Variants in TAB1 observed in about 807,000 individuals in gnomAD.
TAB1 encodes the protein TGF-beta-activated kinase 1 and MAP3K7-binding protein 1.
In TAB1, 30 loss-of-function variants were observed where a neutral mutation model predicts 54.5. The ratio of observed to expected loss-of-function variants is 0.55; its 90% confidence interval spans 0.41 to 0.75. The LOEUF is 0.75. Ranked by LOEUF, TAB1 falls within the 30% of genes least tolerant of loss-of-function variation. TAB1 has a pLI of 0.00. For missense variants in TAB1, 609 were observed against 683.2 expected, an observed-to-expected ratio of 0.89 and a Z score of 1.21; for synonymous variants, 289 against 286.9, an observed-to-expected ratio of 1.01 and a Z score of -0.07.
chr22:39,416,219 C>T (rs774990830), intron 3 of TAB1, among the ~76,000 whole-genome samples: 8 of 152,196 alleles, frequency 5.3e-5, no homozygotes, highest in Non-Finnish European at 8.8e-5. Flanking sequence ...CTGCCCTTCA[C>T]GACCTCAGGC....
intron 10 of TAB1, chr22:39,429,507 C>G: frequency 1.0e-5 from 5 of 487,828 alleles, no homozygotes; most frequent in Non-Finnish European, 1.3e-5. Context: ...GACGGAGTTT[C>G]ACTCTTGTTG....
intron 1 of TAB1, among the ~76,000 whole-genome samples, chr22:39,401,310 G>A (rs1926135139): frequency 6.6e-6 from 1 of 152,212 alleles, no homozygotes; most frequent in African/African-American, 2.4e-5. Context: ...GGGGATTGCT[G>A]TCTTCCCCTC....
chr22:39,408,473 G>A (rs1926467877), intron 1 of TAB1, among the ~76,000 whole-genome samples: 1 of 152,196 alleles, frequency 6.6e-6, no homozygotes, highest in South Asian at 2.1e-4. Flanking sequence ...TTTACTTGTG[G>A]AAGACAATTT....
chr22:39,420,053 C>T (rs536461179), intron 7 of TAB1, among the ~76,000 whole-genome samples: 5 of 152,182 alleles, frequency 3.3e-5, no homozygotes, highest in Non-Finnish European at 7.3e-5. Flanking sequence ...ACAGACCAGG[C>T]CTGTTGGTCG....
chr22:39,406,467 T>C (rs1346164758), intron 1 of TAB1, among the ~76,000 whole-genome samples: 2 of 151,266 alleles, frequency 1.3e-5, no homozygotes, highest in African/African-American at 2.4e-5. Context: ...CAGTGGATGA[T>C]TGAGGTTTGG....
downstream of TAB1, chr22:39,431,953 C>T (rs765885158): frequency 6.4e-4 from 561 of 876,972 alleles, no homozygotes; most frequent in Non-Finnish European, 7.4e-4. Context: ...TCTTCACTGC[C>T]CTGGAGGTTC....
At chr22:39,408,548 G>A (rs1005634219) in intron 1 of TAB1, among the ~76,000 whole-genome samples, 2 of 152,210 alleles carry the variant, frequency 1.3e-5, no homozygotes, top group Non-Finnish European at 2.9e-5. Context: ...ATCCAGGCTG[G>A]AGTGCAGTGG....
At chr22:39,410,655 T>G (rs1195785183) in intron 1 of TAB1, among the ~76,000 whole-genome samples, 1 of 152,058 alleles carries the variant, frequency 6.6e-6, no homozygotes, top group Non-Finnish European at 1.5e-5. Flanking sequence ...TCAGACCTTG[T>G]AGTAAAATTG....
intron 3 of TAB1, 143 bp from the exon 4 acceptor site, chr22:39,416,648 C>T: frequency 1.3e-6 from 1 of 763,708 alleles, no homozygotes; most frequent in South Asian, 1.6e-5. Flanking sequence ...GGGCCAGAGG[C>T]AGGACTGACA....
intron 1 of TAB1, among the ~76,000 whole-genome samples, chr22:39,411,654 GA>G (rs1390205092): frequency 1.3e-5 from 2 of 152,184 alleles, no homozygotes; most frequent in Admixed American, 6.5e-5. Context: ...AGCTGCTCTG[GA>G]AAACAGTTTG....
Position 39,421,715 on chromosome 22 carries a change from A to T in TAB1, c.777-112A>T, listed in dbSNP as rs534971800. 1.5e-5 allele frequency: 17 copies of T among 1,121,188 alleles called. No individual in the cohort carries two copies. The Admixed American group carries it at 3.6e-4, about 24-fold the overall frequency. The allele number at this position is 1,121,188 out of a possible 1,614,324, so 69.5% of individuals were successfully genotyped here. ...TTCTCTCTTTTCTTTTCCTCTTGTC[A>T]GGTTGTGTGTTTTATTTTACATTCT... is the stretch of plus-strand genomic sequence containing the variant. On this transcript the variant is annotated intron_variant, in intron 7 of 10. Coordinates refer to ENST00000216160, the MANE Select transcript of TAB1 (RefSeq NM_006116.3).
At chr22:39,412,237 G>A (rs925183866) in intron 1 of TAB1, among the ~76,000 whole-genome samples, 9 of 152,048 alleles carry the variant, frequency 5.9e-5, no homozygotes, top group Non-Finnish European at 1.2e-4. Flanking sequence ...ACAGGGTTTC[G>A]CCACATTGGC....
intron 1 of TAB1, among the ~76,000 whole-genome samples, chr22:39,405,422 A>G (rs1926318064): frequency 6.6e-6 from 1 of 152,232 alleles, no homozygotes; most frequent in Non-Finnish European, 1.5e-5. Flanking sequence ...TTTCTCAGAC[A>G]TGGAAGAGTT....
chr22:39,406,740 C>T (rs1013479704), intron 1 of TAB1, among the ~76,000 whole-genome samples: 9 of 152,142 alleles, frequency 5.9e-5, no homozygotes, highest in Non-Finnish European at 1.0e-4. Context: ...TCACACCATT[C>T]TCCTGCCTCC....
At chr22:39,434,129 C>T (rs933771590), downstream of TAB1, among the ~76,000 whole-genome samples, 11 of 152,228 alleles carry the variant, frequency 7.2e-5, 1 homozygote, top group Middle Eastern at 6.3e-3. Context: ...AATGAGGCGA[C>T]GACCCACTTA....
intron 1 of TAB1, among the ~76,000 whole-genome samples, chr22:39,410,407 C>T (rs1012271892): frequency 6.6e-6 from 1 of 152,174 alleles, no homozygotes; most frequent in Non-Finnish European, 1.5e-5. Flanking sequence ...TGTGCCAGGT[C>T]AGCAGTTTTT....
rs146356034 is a variant in TAB1 at position 39,429,427 on chromosome 22, C to T, written c.1308-588C>T. 1.8e-3 allele frequency: 1,692 copies of T among 930,352 alleles called. 2 individuals are homozygous for T. Among genetic ancestry groups the T allele is most frequent in the African/African-American group, 8.7e-3 (490 of 56,222 alleles). The allele number at this position is 930,352 out of a possible 1,614,324, so 57.6% of individuals were successfully genotyped here. On this transcript the variant is annotated intron_variant, in intron 10 of 10. Transcript: ENST00000216160. ...TGCTCGCGTGGGTGCTGTCCTGTCA[C>T]GGCGTCTCTAGCCACTTGTGGCTAT...
At chr22:39,405,859 A>G (rs1257073632) in intron 1 of TAB1, among the ~76,000 whole-genome samples, 7 of 151,980 alleles carry the variant, frequency 4.6e-5, no homozygotes, top group Admixed American at 4.6e-4. Context: ...AGATACTCTC[A>G]CTCCCACTTG....
intron 1 of TAB1, among the ~76,000 whole-genome samples, chr22:39,406,358 C>T (rs1287704477): frequency 6.7e-6 from 1 of 148,748 alleles, no homozygotes; most frequent in Non-Finnish European, 1.5e-5. Context: ...AAGATCGCGC[C>T]ACTGCACTCC....
Sources: gnomAD v4.1 joint callset for allele counts (sites outside exome capture counted in the v4.1 genomes callset) on GRCh38, gnomAD v4.1.1 for gene constraint, MANE v1.5 for transcripts, NCBI Gene and HGNC (gene_info 2026-07-23, HGNC 2026-07-21) for gene names.